The following MDN1 variants were observed in gnomAD, a reference collection of about 807,000 sequenced individuals.
MDN1 encodes the protein midasin AAA ATPase 1, also known as midasin.
Under a neutral mutation model 669.2 loss-of-function variants are expected in MDN1, and 266 were observed. That is an observed-to-expected ratio of 0.40 (90% CI 0.36 to 0.44). The LOEUF (loss-of-function observed/expected upper bound fraction) is 0.44, where lower values mean the gene tolerates loss of function less well. Ranked by LOEUF, MDN1 falls within the 20% of genes least tolerant of loss-of-function variation. The pLI is 1.00. For synonymous variants in MDN1, 2,385 were observed against 2,457.1 expected (o/e 0.97, Z 0.87); for missense variants, 5,940 against 6,754.0 (o/e 0.88, Z 4.22).
chr6:89,776,020 T>TA (rs1258367139), intron 12 of MDN1, among the ~76,000 whole-genome samples: 1 of 151,988 alleles, frequency 6.6e-6, no homozygotes, highest in Non-Finnish European at 1.5e-5. Flanking sequence ...GGGAAAATAA[T>TA]AAAAAAGATG....
At chr6:89,697,645 G>A (rs944641587) in intron 59 of MDN1, among the ~76,000 whole-genome samples, 6 of 150,750 alleles carry the variant, frequency 4.0e-5, no homozygotes, top group Non-Finnish European at 5.9e-5. Context: ...GCAATGGCAC[G>A]ATCTTGGCTC....
intron 13 of MDN1, among the ~76,000 whole-genome samples, chr6:89,774,219 T>C (rs1395819166): frequency 1.3e-5 from 2 of 152,130 alleles, no homozygotes; most frequent in Non-Finnish European, 1.5e-5. Context: ...TGAGAAAATA[T>C]GTAAAGCACT....
chr6:89,762,525 T>G lies in MDN1; in HGVS notation c.2150A>C (p.Lys717Thr). 1 of 1,609,404 alleles carries G rather than the reference T, an allele frequency of 6.2e-7. No homozygotes were observed. Among genetic ancestry groups the G allele is most frequent in the African/African-American group, 1.3e-5 (1 of 74,898 alleles). ...SDTADLLGGY[K>T]PVDHKLIWLP... is the part of the protein sequence containing the mutation. ...CCAAATAAGCTTATGGTCCACCGGTTTATAACTGAAACAGACACAGGTAAA... is the reference window on the plus strand; with the variant it reads ...CCAAATAAGCTTATGGTCCACCGGTGTATAACTGAAACAGACACAGGTAAA... The change falls in exon 16 of 102, where the codon AAA (lysine) becomes ACA (threonine). Residue 717 changes from lysine to threonine, a missense_variant. By Grantham distance (78) the Lys-to-Thr change is moderately conservative. Around this residue, in one of 5 missense-constraint regions of MDN1, gnomAD observed 1,203 missense variants for 1,268.9 expected, o/e 0.95. Coordinates refer to ENST00000369393, the MANE Select transcript of MDN1 (RefSeq NM_014611.3).
At chr6:89,791,712 C>G (rs191654130) in intron 5 of MDN1, among the ~76,000 whole-genome samples, 1 of 152,164 alleles carries the variant, frequency 6.6e-6, no homozygotes, top group Admixed American at 6.5e-5. Context: ...TGGCTTACAC[C>G]TGTAATCCCA....
intron 9 of MDN1, among the ~76,000 whole-genome samples, chr6:89,783,076 A>G (rs1420214744): frequency 1.3e-5 from 2 of 152,186 alleles, no homozygotes; most frequent in East Asian, 3.8e-4. Flanking sequence ...ACCTTGAAAA[A>G]GAACAGAATA....
Position 89,648,077 on chromosome 6 carries a change from A to C in MDN1, c.16350T>G (p.Ile5450Met). 1 of 1,614,236 alleles carries C rather than the reference A, an allele frequency of 6.2e-7. No individual in the cohort carries two copies. The highest frequency in any genetic ancestry group is 8.5e-7 in the Non-Finnish European group (1 of 1,180,028). The change falls in exon 99 of 102, where the codon ATT becomes ATG. Residue 5450 changes from isoleucine to methionine, a missense_variant. Transcript: ENST00000369393. ...EQFSDYSGSQ[I>M]LRLCKFQQKK... The stretch of plus-strand genomic sequence containing the variant: ...TTTGTTGGAATTTGCAGAGACGTAG[A>C]ATCTGGGACCCAGAGTAATCACTGA...
chr6:89,650,059 C>T lies in MDN1; in HGVS notation c.16171G>A (p.Asp5391Asn). The T allele has an allele frequency of 6.2e-7, 1 of 1,614,128 alleles. No homozygotes were observed. Among genetic ancestry groups the T allele is most frequent in the Non-Finnish European group, 8.5e-7 (1 of 1,180,030 alleles). ...RQYQICLAID[D>N]SSSMVDNHTK... ...TGATTGTCTACCATACTAGAAGAGT[C>T]ATCGATAGCCAAACAAATCTGATAC... Residue 5391 changes from aspartate to asparagine, a missense_variant, in exon 97 of 102, where the codon GAC becomes AAC. Physicochemically the swap from Asp to Asn is conservative, Grantham distance 23. Transcript: ENST00000369393.
At chr6:89,773,657 G>A (rs1028967481) in intron 13 of MDN1, among the ~76,000 whole-genome samples, 53 of 152,100 alleles carry the variant, frequency 3.5e-4, no homozygotes, top group African/African-American at 1.3e-3. Flanking sequence ...ACCAAGGACT[G>A]CTGGGAGCCA....
intron 53 of MDN1, among the ~76,000 whole-genome samples, chr6:89,705,805 C>T (rs1159701305): frequency 6.6e-6 from 1 of 152,136 alleles, no homozygotes; most frequent in Non-Finnish European, 1.5e-5. Flanking sequence ...ATTATCTTGA[C>T]TGTGATAATG....
intron 29 of MDN1, 32 bp from the exon 30 acceptor site, chr6:89,743,746 A>G: frequency 6.3e-7 from 1 of 1,599,408 alleles, no homozygotes; most frequent in Non-Finnish European, 8.5e-7. Flanking sequence ...TTAACAAGGC[A>G]TGTGTTTCAA....
intron 93 of MDN1, among the ~76,000 whole-genome samples, chr6:89,653,901 A>AT (rs1340734948): frequency 6.6e-6 from 1 of 152,156 alleles, no homozygotes; most frequent in Non-Finnish European, 1.5e-5. Context: ...TCTTCTACAT[A>AT]TTTTTTAAAA....
At chr6:89,754,901 T>G (rs570735663) in intron 20 of MDN1, among the ~76,000 whole-genome samples, 1 of 152,330 alleles carries the variant, frequency 6.6e-6, no homozygotes, top group South Asian at 2.1e-4. Flanking sequence ...CAAAATATTT[T>G]TGTAGATAGC....
At chr6:89,721,208 G>A (rs903295534) in intron 40 of MDN1, among the ~76,000 whole-genome samples, 6 of 152,218 alleles carry the variant, frequency 3.9e-5, no homozygotes, top group Admixed American at 3.3e-4. Flanking sequence ...TGCAGATGCA[G>A]TGTGGCTCTG....
intron 99 of MDN1, 132 bp downstream of exon 99, chr6:89,647,900 C>T (rs1197939668): frequency 2.4e-5 from 17 of 696,060 alleles, no homozygotes; most frequent in Non-Finnish European, 1.7e-5. Context: ...CTATAGTGAG[C>T]TATGATGGCG....
intron 34 of MDN1, 22 bp downstream of exon 34, chr6:89,732,535 C>A: frequency 1.9e-6 from 3 of 1,610,252 alleles, no homozygotes; most frequent in Non-Finnish European, 2.5e-6. Context: ...CCCTTGTCCC[C>A]ACCAGCTACC....
At position 89,714,643 on chromosome 6, in the gene MDN1, G is replaced by A. The variant is rs1336622002; in HGVS notation, c.6969C>T (p.Asn2323=). Reference sequence around the variant, plus strand: ...TGTGCAGCAGAACTTTCAAATCCAGGTTGTCTGGGGTGCTTGCATCCCCTT... The same window carrying A: ...TGTGCAGCAGAACTTTCAAATCCAGATTGTCTGGGGTGCTTGCATCCCCTT... The part of the protein sequence containing the change: ...SGEGDASTPD[N]LDLKVLLHSL... The change falls in exon 46 of 102, where the codon AAC becomes AAT. Residue 2323 remains asparagine, a synonymous_variant. Coordinates refer to ENST00000369393, the MANE Select transcript of MDN1 (RefSeq NM_014611.3). 5.6e-6 allele frequency: 9 copies of A among 1,614,044 alleles called. No homozygotes were observed. The highest frequency in any genetic ancestry group is 4.5e-5 in the East Asian group (2 of 44,872).
chr6:89,652,744 C>A (rs1168131902), intron 94 of MDN1, among the ~76,000 whole-genome samples: 2 of 152,086 alleles, frequency 1.3e-5, no homozygotes, highest in Admixed American at 1.3e-4. Context: ...AGGCCAAGGA[C>A]CAGACCCACC....
chr6:89,791,645 G>A (rs1819274946), intron 5 of MDN1, among the ~76,000 whole-genome samples: 2 of 152,082 alleles, frequency 1.3e-5, no homozygotes, highest in Non-Finnish European at 2.9e-5. Context: ...CACCCAGTAA[G>A]TTTAATGAGA....
chr6:89,753,643 T>C lies in MDN1; in HGVS notation c.2965-21A>G, dbSNP rs186861501. 7,348 of 1,548,778 alleles carry C rather than the reference T, an allele frequency of 4.7e-3. 70 individuals carry two copies. The highest frequency in any genetic ancestry group is 0.02 in the South Asian group (1,824 of 89,722). On this transcript the variant is annotated intron_variant, in intron 21 of 101. Coordinates refer to ENST00000369393, the MANE Select transcript of MDN1 (RefSeq NM_014611.3). ...AAACCCTAGAAAGAAAAGACAAATA[T>C]GCATAATGCTAAATAACCTTCTGCA... is the stretch of plus-strand genomic sequence containing the variant.
Sources: gnomAD v4.1 joint callset for allele counts (sites outside exome capture counted in the v4.1 genomes callset) on GRCh38, gnomAD v4.1.1 for gene constraint, gnomAD v4.1.1 regional missense constraint, MANE v1.5 for transcripts, NCBI Gene and HGNC (gene_info 2026-07-23, HGNC 2026-07-21) for gene names.